GMDS: variants seen among roughly 807,000 people sequenced by gnomAD.
The protein encoded by GMDS is GDP-mannose 4,6 dehydratase.
A neutral mutation model predicts 49.9 loss-of-function variants in GMDS; 20 were observed. That is an observed-to-expected ratio of 0.40 (90% confidence interval 0.28 to 0.58). GMDS has a LOEUF of 0.58. Among genes scored for constraint, GMDS ranks in the 20% least tolerant of loss-of-function variants. The pLI is 0.42. For missense variants in GMDS, 362 were observed against 481.4 expected, an observed-to-expected ratio of 0.75 and a Z score of 2.32; for synonymous variants, 177 against 178.6, an observed-to-expected ratio of 0.99 and a Z score of 0.07.
chr6:1,654,615 T>C (rs1447370338), intron 9 of GMDS, among the ~76,000 whole-genome samples: 6 of 151,762 alleles, frequency 4.0e-5, no homozygotes, highest in African/African-American at 1.5e-4. Flanking sequence ...GTGGAGAAAA[T>C]GGGGTAGAGT....
intron 7 of GMDS, among the ~76,000 whole-genome samples, chr6:1,862,216 T>C (rs1758222456): frequency 6.6e-6 from 1 of 152,234 alleles, no homozygotes; most frequent in South Asian, 2.1e-4. Flanking sequence ...CGTTGTTTGA[T>C]GACTTAAGCT....
At chr6:1,748,733 A>T (rs1425270184) in intron 7 of GMDS, among the ~76,000 whole-genome samples, 1 of 152,260 alleles carries the variant, frequency 6.6e-6, no homozygotes, top group Non-Finnish European at 1.5e-5. Flanking sequence ...CCAATAAAAC[A>T]GTTACAGGGC....
intron 4 of GMDS, among the ~76,000 whole-genome samples, chr6:2,081,705 C>A (rs1038670462): frequency 5.3e-5 from 8 of 152,126 alleles, no homozygotes; most frequent in Non-Finnish European, 1.2e-4. Context: ...GGCCTCCTTA[C>A]AGTATGGGTT....
chr6:2,017,309 A>T (rs1767962464), intron 4 of GMDS, among the ~76,000 whole-genome samples: 1 of 147,458 alleles, frequency 6.8e-6, no homozygotes, highest in East Asian at 2.0e-4. Context: ...GATTCTTTTT[A>T]TTTTTTTTTT....
intron 7 of GMDS, among the ~76,000 whole-genome samples, chr6:1,856,575 G>C (rs1306820543): frequency 2.6e-5 from 4 of 152,222 alleles, no homozygotes; most frequent in African/African-American, 9.6e-5. Flanking sequence ...GGATGCCCCA[G>C]CTTTGCTCAA....
intron 7 of GMDS, among the ~76,000 whole-genome samples, chr6:1,795,074 C>T (rs1168060641): frequency 1.3e-5 from 2 of 152,120 alleles, no homozygotes; most frequent in Admixed American, 6.5e-5. Context: ...GTGGCGCATG[C>T]CTGTAGTCCC....
intron 4 of GMDS, among the ~76,000 whole-genome samples, chr6:2,037,819 A>C (rs1208531338): frequency 6.6e-6 from 1 of 152,152 alleles, no homozygotes; most frequent in Non-Finnish European, 1.5e-5. Flanking sequence ...ATGGTTTCTA[A>C]AGGAGCCTGA....
At chr6:1,987,220 G>A (rs1273017749) in intron 4 of GMDS, among the ~76,000 whole-genome samples, 1 of 152,068 alleles carries the variant, frequency 6.6e-6, no homozygotes, top group African/African-American at 2.4e-5. Flanking sequence ...TTCCTTATTT[G>A]TGTCAAGGGA....
chr6:1,970,422 C>T (rs920677614), intron 4 of GMDS, among the ~76,000 whole-genome samples: 10 of 152,226 alleles, frequency 6.6e-5, no homozygotes, highest in Admixed American at 1.3e-4. Context: ...CCCCCGCCCC[C>T]GCCCCGCTCC....
In GMDS at chr6:1,766,076, T is replaced by G. The variant is rs750713439; in HGVS notation, c.772-23490A>C. 1.3e-5 allele frequency among the ~76,000 whole-genome samples: 2 copies of G among 151,634 alleles called. No individual in the cohort carries two copies. The highest frequency in any genetic ancestry group is 3.0e-5 in the Non-Finnish European group (2 of 67,686). ...CAGTGGGCAGAGCGGCTGCACTATA[T>G]GAAAACGACACATGTGAAATGGAGG... On this transcript the variant is annotated intron_variant, in intron 7 of 10. Transcript: ENST00000380815. This position sits in a 1 kb window ranked among gnomAD's most constrained non-coding sequence, Gnocchi z 4.5.
chr6:2,189,046 T>A (rs562750687), intron 1 of GMDS, among the ~76,000 whole-genome samples: 1 of 152,252 alleles, frequency 6.6e-6, no homozygotes, highest in South Asian at 2.1e-4. Flanking sequence ...ACAAATTTCA[T>A]AGTTATATGA....
At chr6:1,741,009 G>C (rs1178951780) in intron 8 of GMDS, among the ~76,000 whole-genome samples, 2 of 152,130 alleles carry the variant, frequency 1.3e-5, no homozygotes, top group Non-Finnish European at 2.9e-5. Context: ...TAATTGGGCA[G>C]TATCTCTTTT....
intron 9 of GMDS, among the ~76,000 whole-genome samples, chr6:1,722,216 G>A (rs1479060529): frequency 7.7e-6 from 1 of 130,220 alleles, no homozygotes; most frequent in Non-Finnish European, 1.7e-5. Flanking sequence ...ACAGGTGCCC[G>A]CCACCCTCCC....
chr6:2,009,379 C>T (rs116050499), intron 4 of GMDS, among the ~76,000 whole-genome samples: 38 of 152,292 alleles, frequency 2.5e-4, no homozygotes, highest in South Asian at 4.2e-4. Context: ...GAATTCAGAA[C>T]GTTATCTTTA....
chr6:2,138,224 C>T (rs1436012149), intron 1 of GMDS, among the ~76,000 whole-genome samples: 1 of 152,172 alleles, frequency 6.6e-6, no homozygotes, highest in East Asian at 1.9e-4. Context: ...GTATAACTTA[C>T]ACAAAGCTAA....
chr6:1,664,576 C>T (rs981073421), intron 9 of GMDS, among the ~76,000 whole-genome samples: 3 of 152,164 alleles, frequency 2.0e-5, no homozygotes, highest in South Asian at 2.1e-4. Flanking sequence ...AATCACATAA[C>T]GAAGCTGAAA....
intron 9 of GMDS, among the ~76,000 whole-genome samples, chr6:1,642,458 C>G (rs1763359763): frequency 6.6e-6 from 1 of 152,146 alleles, no homozygotes; most frequent in Non-Finnish European, 1.5e-5. Flanking sequence ...CGTGAGCCAC[C>G]ACACCCGGCC....
chr6:2,112,091 G>C (rs2127496328), intron 4 of GMDS, among the ~76,000 whole-genome samples: 1 of 152,222 alleles, frequency 6.6e-6, no homozygotes, highest in African/African-American at 2.4e-5. Flanking sequence ...CATAAACAGT[G>C]GTATGGAACA....
At chr6:1,931,119 C>T (rs1762264467) in intron 6 of GMDS, 3 of 152,086 alleles carry the variant, frequency 2.0e-5, no homozygotes, top group Admixed American at 1.3e-4. Flanking sequence ...CCATTTAATA[C>T]CAAATTCTCA....
Sources: gnomAD v4.1 joint callset for allele counts (sites outside exome capture counted in the v4.1 genomes callset) on GRCh38, gnomAD v4.1.1 for gene constraint, Gnocchi (gnomAD v3.1) non-coding constraint, MANE v1.5 for transcripts, NCBI Gene and HGNC (gene_info 2026-07-23, HGNC 2026-07-21) for gene names.